The following CYFIP2 variants were observed in gnomAD, a reference collection of about 807,000 sequenced individuals.
CYFIP2 encodes the protein cytoplasmic FMR1 interacting protein 2.
Under a neutral mutation model 158.7 loss-of-function variants are expected in CYFIP2, and 29 were observed. The observed-to-expected ratio is 0.18, with a 90% CI of 0.14 to 0.25. CYFIP2 has a LOEUF of 0.25. CYFIP2 is among the 10% of genes least tolerant of loss of function. The pLI is 1.00. For missense variants in CYFIP2, 852 were observed against 1,639.5 expected, an observed-to-expected ratio of 0.52 and a Z score of 8.29; for synonymous variants, 585 against 617.6, an observed-to-expected ratio of 0.95 and a Z score of 0.78.
At chr5:157,343,083 T>C in intron 23 of CYFIP2, 1 of 1,614,198 alleles carries the variant, frequency 6.2e-7, no homozygotes, top group South Asian at 1.1e-5. Flanking sequence ...GCCTCCTCCA[T>C]GTGGCCAGCC....
intron 13 of CYFIP2, among the ~76,000 whole-genome samples, chr5:157,319,064 C>T (rs1760376940): frequency 1.3e-5 from 2 of 152,134 alleles, no homozygotes; most frequent in South Asian, 4.1e-4. Context: ...CTGCAAGAAG[C>T]AGCCAGAAAC....
chr5:157,389,506 C>A, intron 29 of CYFIP2, 79 bp downstream of exon 29: 1 of 1,348,320 alleles, frequency 7.4e-7, no homozygotes, highest in Non-Finnish European at 1.0e-6. Flanking sequence ...CAGAGTTCAG[C>A]CAGAAACGTG....
At chr5:157,292,093 TTC>T (rs1258250885) in intron 3 of CYFIP2, among the ~76,000 whole-genome samples, 4 of 152,196 alleles carry the variant, frequency 2.6e-5, no homozygotes, top group Non-Finnish European at 5.9e-5. Flanking sequence ...CTAGTATACT[TTC>T]TGTTTCTATG....
At chr5:157,373,737 T>C (rs1056119519) in intron 26 of CYFIP2, among the ~76,000 whole-genome samples, 3 of 152,198 alleles carry the variant, frequency 2.0e-5, no homozygotes, top group African/African-American at 7.2e-5. Context: ...GTTCTTATTT[T>C]AAAATATATG....
At chr5:157,382,150 C>T (rs1282485928) in intron 26 of CYFIP2, among the ~76,000 whole-genome samples, 1 of 152,194 alleles carries the variant, frequency 6.6e-6, no homozygotes, top group South Asian at 2.1e-4. Context: ...GGCCTTTACA[C>T]AGAGTCCTAG....
chr5:157,342,759 G>A (rs966525806), intron 23 of CYFIP2: 10 of 1,194,926 alleles, frequency 8.4e-6, no homozygotes, highest in East Asian at 2.5e-5. Flanking sequence ...TAGCAGTGAC[G>A]TTTGATGGGA....
At chr5:157,279,194 G>A (rs1449332032) in intron 1 of CYFIP2, among the ~76,000 whole-genome samples, 1 of 152,168 alleles carries the variant, frequency 6.6e-6, no homozygotes, top group Non-Finnish European at 1.5e-5. Flanking sequence ...TTGAGGACAG[G>A]CACTATTGTA....
Position 157,361,014 on chromosome 5 carries a change from G to C in CYFIP2, c.2909-454G>C, listed in dbSNP as rs1431713557. ...CCTACTTACTACCTGTGTGACTATG[G>C]GCATGCCCCTTACCCTCTCTGAGCC... On this transcript the variant is annotated intron_variant, in intron 25 of 30. Coordinates refer to ENST00000620254, the MANE Select transcript of CYFIP2 (RefSeq NM_001037333.3). This position sits in a 1 kb window ranked among gnomAD's most constrained non-coding sequence, Gnocchi z 4.4. 6.6e-6 allele frequency among the ~76,000 whole-genome samples: 1 copy of C among 152,132 alleles called. No individual in the cohort carries two copies. Among genetic ancestry groups the C allele is most frequent in the African/African-American group, 2.4e-5 (1 of 41,406 alleles).
At chr5:157,331,161 A>C (rs1761428171) in intron 20 of CYFIP2, among the ~76,000 whole-genome samples, 1 of 151,894 alleles carries the variant, frequency 6.6e-6, no homozygotes, top group Non-Finnish European at 1.5e-5. Flanking sequence ...CCACTTAGAG[A>C]TGGGTAAATC....
At chr5:157,328,930 T>C (rs1052614733) in intron 19 of CYFIP2, among the ~76,000 whole-genome samples, 1 of 152,208 alleles carries the variant, frequency 6.6e-6, no homozygotes, top group African/African-American at 2.4e-5. Flanking sequence ...TGTAACAGCA[T>C]TGATCGAGGA....
intron 7 of CYFIP2, among the ~76,000 whole-genome samples, chr5:157,303,786 A>G (rs1276994128): frequency 2.6e-5 from 4 of 151,828 alleles, no homozygotes; most frequent in Non-Finnish European, 5.9e-5. Context: ...ATGTTTTTCT[A>G]CTGCTGTGTC....
intron 3 of CYFIP2, among the ~76,000 whole-genome samples, chr5:157,290,259 A>T (rs1417747793): frequency 1.3e-5 from 2 of 152,182 alleles, no homozygotes; most frequent in African/African-American, 4.8e-5. Flanking sequence ...GGTCTTACTG[A>T]GTTAAAATCA....
chr5:157,305,567 G>T (rs1759145834), intron 8 of CYFIP2, among the ~76,000 whole-genome samples: 2 of 152,236 alleles, frequency 1.3e-5, no homozygotes, highest in East Asian at 1.9e-4. Context: ...CTGGAGTGCA[G>T]TGGCACAATC....
In CYFIP2 at chr5:157,370,153, A is replaced by G. The variant is rs531616468; in HGVS notation, c.3039+8555A>G. 1.3e-4 allele frequency among the ~76,000 whole-genome samples: 20 copies of G among 152,318 alleles called. No homozygotes were observed. In the South Asian group the frequency reaches 3.9e-3, roughly 30 times the overall value. On this transcript the variant is annotated intron_variant, in intron 26 of 30. Transcript: ENST00000620254. ...CTCAGCCTCCCAAAGTGCTGGGATT[A>G]CAGGCATGAGCTACCACACCTGGCC...
At chr5:157,350,955 C>G (rs992542515) in intron 23 of CYFIP2, among the ~76,000 whole-genome samples, 3 of 152,018 alleles carry the variant, frequency 2.0e-5, no homozygotes, top group African/African-American at 7.2e-5. Context: ...ATAGCATGAG[C>G]CTTTAGGGTT....
chr5:157,344,377 C>T (rs182566007), intron 23 of CYFIP2, among the ~76,000 whole-genome samples: 28 of 152,160 alleles, frequency 1.8e-4, no homozygotes, highest in Admixed American at 3.3e-4. Context: ...TCCCATTTTA[C>T]GGATGAGCAA....
intron 7 of CYFIP2, among the ~76,000 whole-genome samples, chr5:157,303,560 A>AT (rs1292334571): frequency 6.6e-6 from 1 of 152,184 alleles, no homozygotes; most frequent in Non-Finnish European, 1.5e-5. Context: ...GGGTGTTCAC[A>AT]TTCAAATCCA....
chr5:157,274,776 G>A (rs542774719), intron 1 of CYFIP2, among the ~76,000 whole-genome samples: 2 of 152,304 alleles, frequency 1.3e-5, no homozygotes, highest in South Asian at 4.1e-4. Context: ...TGGGTGTGAA[G>A]TGGTATCGAT....
At chr5:157,315,721 A>G (rs1297004627) in intron 13 of CYFIP2, among the ~76,000 whole-genome samples, 2 of 152,240 alleles carry the variant, frequency 1.3e-5, no homozygotes, top group Admixed American at 6.5e-5. Flanking sequence ...AAATATATGA[A>G]ACAACTTAAA....
Sources: allele counts gnomAD v4.1 joint callset (sites outside exome capture counted in the v4.1 genomes callset), GRCh38; gene constraint gnomAD v4.1.1; non-coding constraint Gnocchi (gnomAD v3.1); transcripts MANE v1.5; gene names NCBI Gene and HGNC (gene_info 2026-07-23, HGNC 2026-07-21).